Variants in VGLL4 observed in about 807,000 individuals in gnomAD.
VGLL4 encodes transcription cofactor vestigial-like protein 4.
A neutral mutation model predicts 21.0 loss-of-function variants in VGLL4; 7 were observed. The ratio of observed to expected loss-of-function variants is 0.33; its 90% CI spans 0.19 to 0.63. The LOEUF (loss-of-function observed/expected upper bound fraction) is 0.63, where lower values mean the gene tolerates loss of function less well. Among genes scored for constraint, VGLL4 ranks in the 20% least tolerant of loss-of-function variants. The pLI is 0.78. For missense variants in VGLL4, 394 were observed against 425.7 expected (o/e 0.93, Z 0.66); for synonymous variants, 222 against 173.2 (o/e 1.28, Z -2.21).
chr3:11,615,809 C>T (rs2075150746), intron 1 of VGLL4, among the ~76,000 whole-genome samples: 1 of 152,174 alleles, frequency 6.6e-6, no homozygotes, highest in African/African-American at 2.4e-5. Flanking sequence ...ATACAAAACA[C>T]ATTGAAAGAA....
At chr3:11,699,149 A>G (rs1211050552) in intron 2 of VGLL4, among the ~76,000 whole-genome samples, 4 of 152,236 alleles carry the variant, frequency 2.6e-5, no homozygotes, top group Non-Finnish European at 5.9e-5. Flanking sequence ...GGGCAGAGAA[A>G]GCTGAGTCAG....
chr3:11,628,911 AT>A (rs2075417078), intron 1 of VGLL4, among the ~76,000 whole-genome samples: 1 of 152,236 alleles, frequency 6.6e-6, no homozygotes, highest in African/African-American at 2.4e-5. Context: ...ATTGCCAAAG[AT>A]TTTGGGGAAA....
At chr3:11,629,566 G>C (rs1261564891) in intron 1 of VGLL4, among the ~76,000 whole-genome samples, 1 of 151,946 alleles carries the variant, frequency 6.6e-6, no homozygotes, top group Non-Finnish European at 1.5e-5. Flanking sequence ...AGACCAGCCT[G>C]GCCAACACAG....
intron 2 of VGLL4, among the ~76,000 whole-genome samples, chr3:11,657,201 C>T (rs1016447760): frequency 6.6e-6 from 1 of 152,116 alleles, no homozygotes; most frequent in Non-Finnish European, 1.5e-5. Context: ...GTTGTCTGCC[C>T]GAGCCCTAAA....
In VGLL4 at chr3:11,558,613, G is replaced by T; in HGVS notation, c.834C>A (p.Pro278=). The T allele has an allele frequency of 6.2e-7, 1 of 1,607,378 alleles. No homozygotes were observed. ...TGACCATGTGGGCAGAGGGGCTGGC[G>T]GGCTGGCCCCTGCGAGAGGCGGACT... ...SPESASRRGQ[P]ASPSAHMVSH... Residue 278 remains proline (P), a synonymous_variant, in exon 5 of 5, where the codon CCC becomes CCA. Transcript: ENST00000430365.
chr3:11,652,419 T>C (rs1468033329), intron 2 of VGLL4, among the ~76,000 whole-genome samples: 2 of 152,102 alleles, frequency 1.3e-5, no homozygotes, highest in Non-Finnish European at 2.9e-5. Flanking sequence ...AATGGTGTTT[T>C]TTGTTTTTTT....
At chr3:11,678,506 T>A (rs2076325848) in intron 2 of VGLL4, among the ~76,000 whole-genome samples, 1 of 152,204 alleles carries the variant, frequency 6.6e-6, no homozygotes, top group East Asian at 1.9e-4. Context: ...GCAGCAACAT[T>A]CCTTTCCTTT....
chr3:11,561,891 CTTT>C (rs35380668), intron 3 of VGLL4, among the ~76,000 whole-genome samples: 3 of 88,604 alleles, frequency 3.4e-5, no homozygotes, highest in Middle Eastern at 0.021. Context: ...CTGCGCCAAA[CTTT>C]TTTTTTTTTT....
intron 2 of VGLL4, chr3:11,671,151 G>A: frequency 5.6e-6 from 7 of 1,247,434 alleles, no homozygotes; most frequent in Non-Finnish European, 6.6e-6. Flanking sequence ...AAGTAATGAG[G>A]CTTTAGATAA....
intron 2 of VGLL4, chr3:11,702,731 CA>C (rs370716518): frequency 0.014 from 1,839 of 131,542 alleles, no homozygotes; most frequent in East Asian, 0.028. Flanking sequence ...GATCCCATCT[CA>C]AAAAAAAAAA....
chr3:11,597,156 T>C (rs1370805992), intron 2 of VGLL4, among the ~76,000 whole-genome samples: 1 of 152,076 alleles, frequency 6.6e-6, no homozygotes, highest in East Asian at 1.9e-4. Context: ...GGAGTCCATA[T>C]GGATAATAAG....
intron 2 of VGLL4, among the ~76,000 whole-genome samples, chr3:11,662,322 T>C (rs769879787): frequency 1.3e-5 from 2 of 152,226 alleles, no homozygotes; most frequent in African/African-American, 4.8e-5. Flanking sequence ...AGAATAAGTT[T>C]TCCATTACTG....
At chr3:11,666,954 C>G (rs561923514) in intron 2 of VGLL4, among the ~76,000 whole-genome samples, 1 of 152,192 alleles carries the variant, frequency 6.6e-6, no homozygotes, top group South Asian at 2.1e-4. Context: ...TTCCTGACTC[C>G]GCTTCCTCAT....
chr3:11,665,087 A>G (rs925672020), intron 2 of VGLL4, among the ~76,000 whole-genome samples: 43 of 144,246 alleles, frequency 3.0e-4, no homozygotes, highest in Non-Finnish European at 5.6e-4. Context: ...AATGAAAGCA[A>G]TTTGAATATT....
At chr3:11,716,302 CAAAA>C (rs554449676) in intron 1 of VGLL4, among the ~76,000 whole-genome samples, 2 of 61,000 alleles carry the variant, frequency 3.3e-5, no homozygotes, top group Admixed American at 2.0e-4. Context: ...AACTCTGTCT[CAAAA>C]AAAAAAAAAA....
intron 2 of VGLL4, among the ~76,000 whole-genome samples, chr3:11,659,316 TTTTC>T (rs1316590227): frequency 9.2e-4 from 117 of 127,362 alleles, no homozygotes; most frequent in Non-Finnish European, 1.0e-3. Flanking sequence ...TTTCTTTTCT[TTTTC>T]TTTTTCTTTT....
chr3:11,627,207 C>A (rs1375830599), intron 1 of VGLL4: 2 of 134,550 alleles, frequency 1.5e-5, no homozygotes, highest in South Asian at 2.4e-4. Context: ...TTTATACACA[C>A]ACACACACAC....
At chr3:11,707,727 C>T (rs955528820) in intron 1 of VGLL4, among the ~76,000 whole-genome samples, 1 of 151,868 alleles carries the variant, frequency 6.6e-6, no homozygotes, top group African/African-American at 2.4e-5. Flanking sequence ...GGCATAGGGA[C>T]GTATACCTAT....
intron 1 of VGLL4, among the ~76,000 whole-genome samples, chr3:11,715,478 T>C (rs1163696553): frequency 1.3e-5 from 2 of 152,048 alleles, no homozygotes; most frequent in African/African-American, 2.4e-5. Context: ...GGATCACAGG[T>C]GCCCACCACC....
Sources: allele counts gnomAD v4.1 joint callset (sites outside exome capture counted in the v4.1 genomes callset), GRCh38; gene constraint gnomAD v4.1.1; transcripts MANE v1.5; gene names NCBI Gene and HGNC (gene_info 2026-07-23, HGNC 2026-07-21).